Variants in SORCS1 observed in about 807,000 individuals in gnomAD.
The protein encoded by SORCS1 is sortilin related VPS10 domain containing receptor 1, also known as VPS10 domain-containing receptor SorCS1.
SORCS1 carries 60 observed loss-of-function variants against 146.1 expected under a neutral mutation model. The observed-to-expected ratio is 0.41, with a 90% CI of 0.33 to 0.51. The LOEUF is 0.51. SORCS1 is among the 20% of genes least tolerant of loss of function. The pLI, the probability that SORCS1 is intolerant of heterozygous loss-of-function variation, is 0.21. For synonymous variants in SORCS1, 637 were observed against 584.0 expected, an observed-to-expected ratio of 1.09 and a Z score of -1.31; for missense variants, 1,352 against 1,487.6, an observed-to-expected ratio of 0.91 and a Z score of 1.50.
intron 1 of SORCS1, among the ~76,000 whole-genome samples, chr10:107,160,571 T>G (rs558139484): frequency 6.6e-6 from 1 of 152,254 alleles, no homozygotes; most frequent in East Asian, 1.9e-4. Context: ...CAGTCCATCA[T>G]GTGCTATGAG....
intron 24 of SORCS1, among the ~76,000 whole-genome samples, chr10:106,590,346 TGTGA>T (rs1394919644): frequency 2.0e-5 from 3 of 152,152 alleles, no homozygotes; most frequent in Non-Finnish European, 2.9e-5. Context: ...GCCAGCTCAG[TGTGA>T]GTGAGGGCCC....
At chr10:106,951,003 T>C (rs1954648363) in intron 2 of SORCS1, among the ~76,000 whole-genome samples, 1 of 152,156 alleles carries the variant, frequency 6.6e-6, no homozygotes, top group South Asian at 2.1e-4. Flanking sequence ...AATATCCACA[T>C]GAGGAAAGTA....
chr10:106,901,137 A>G (rs564990572), intron 2 of SORCS1, among the ~76,000 whole-genome samples: 1 of 152,170 alleles, frequency 6.6e-6, no homozygotes, highest in Non-Finnish European at 1.5e-5. Context: ...GTGGTAAACT[A>G]AACTTTTCCC....
At position 106,788,772 on chromosome 10, in the gene SORCS1, A is replaced by G. The variant is rs2136488685; in HGVS notation, c.727-12080T>C. On this transcript the variant is annotated intron_variant, in intron 3 of 25. Coordinates refer to ENST00000263054, the MANE Select transcript of SORCS1 (RefSeq NM_052918.5). ...GAGTGTCTGTGGCTTTTCCAGGGGC[A>G]CAGTGCAAGCTATCAGTGGATCTAC... Among the ~76,000 whole-genome samples, 3 of 152,230 alleles carry G rather than the reference A, an allele frequency of 2.0e-5. No individual in the cohort carries two copies. In the South Asian group the frequency reaches 6.2e-4, roughly 32 times the overall value.
intron 2 of SORCS1, among the ~76,000 whole-genome samples, chr10:106,865,848 C>T (rs548834050): frequency 1.1e-4 from 16 of 151,654 alleles, no homozygotes; most frequent in Admixed American, 2.6e-4. Context: ...GCCTGGCCAA[C>T]GTGGTGAAAC....
chr10:106,608,464 T>G (rs955091218), intron 22 of SORCS1, among the ~76,000 whole-genome samples: 6 of 152,180 alleles, frequency 3.9e-5, no homozygotes, highest in Admixed American at 3.9e-4. Context: ...TTTTTTGAAG[T>G]AGCAAGAAAT....
chr10:106,867,651 T>C (rs1589592376), intron 2 of SORCS1, among the ~76,000 whole-genome samples: 2 of 152,290 alleles, frequency 1.3e-5, no homozygotes, highest in South Asian at 2.1e-4. Flanking sequence ...ACTAACTTCC[T>C]AAGTAAAGGA....
At chr10:106,603,149 C>T (rs879259970) in intron 23 of SORCS1, among the ~76,000 whole-genome samples, 12 of 152,158 alleles carry the variant, frequency 7.9e-5, no homozygotes, top group Non-Finnish European at 1.8e-4. Context: ...TAGAGCATGG[C>T]GGTCTTTCCT....
intron 3 of SORCS1, among the ~76,000 whole-genome samples, chr10:106,793,543 A>G (rs1174922512): frequency 6.6e-6 from 1 of 152,192 alleles, no homozygotes; most frequent in Admixed American, 6.6e-5. Flanking sequence ...TGGAGGTAAT[A>G]CAGAGATTGT....
At chr10:106,823,512 A>G (rs1267871414) in intron 3 of SORCS1, among the ~76,000 whole-genome samples, 1 of 152,252 alleles carries the variant, frequency 6.6e-6, no homozygotes, top group Non-Finnish European at 1.5e-5. Context: ...AAAGCGAACC[A>G]AAGTTCAATT....
intron 5 of SORCS1, among the ~76,000 whole-genome samples, chr10:106,732,633 A>G (rs770020371): frequency 2.0e-5 from 3 of 152,268 alleles, no homozygotes; most frequent in Non-Finnish European, 4.4e-5. Flanking sequence ...GGTTAAAACT[A>G]GCATGCAAGC....
At chr10:106,962,653 A>G (rs1263990409) in intron 1 of SORCS1, among the ~76,000 whole-genome samples, 1 of 152,154 alleles carries the variant, frequency 6.6e-6, no homozygotes, top group African/African-American at 2.4e-5. Context: ...TCTATAAAAC[A>G]GCACTATTTC....
chr10:107,004,689 C>A (rs1013084312), intron 1 of SORCS1, among the ~76,000 whole-genome samples: 4 of 152,090 alleles, frequency 2.6e-5, no homozygotes, highest in African/African-American at 9.7e-5. Flanking sequence ...TCGTGATTTA[C>A]CAGAAGTGGC....
intron 1 of SORCS1, among the ~76,000 whole-genome samples, chr10:107,033,258 A>C (rs1027931916): frequency 6.6e-6 from 1 of 152,208 alleles, no homozygotes; most frequent in Non-Finnish European, 1.5e-5. Flanking sequence ...CGAGAACAGC[A>C]AAGGGGAACC....
intron 5 of SORCS1, among the ~76,000 whole-genome samples, chr10:106,738,589 G>A (rs552879260): frequency 2.5e-4 from 38 of 152,304 alleles, no homozygotes; most frequent in Non-Finnish European, 4.0e-4. Context: ...GGCCAGAGGG[G>A]CCACAGTGAC....
intron 1 of SORCS1, among the ~76,000 whole-genome samples, chr10:107,090,103 G>A (rs1183725252): frequency 6.6e-6 from 1 of 152,172 alleles, no homozygotes; most frequent in African/African-American, 2.4e-5. Context: ...TCCACGCAGA[G>A]GGGTTCAGGT....
rs541719286 is a variant in SORCS1 at position 107,127,628 on chromosome 10, C to T, written c.558+36341G>A. 2.6e-5 allele frequency among the ~76,000 whole-genome samples: 4 copies of T among 152,276 alleles called. 1 individual carries two copies. Among genetic ancestry groups the T allele is most frequent in the Middle Eastern group, 3.4e-3 (1 of 294 alleles). On this transcript the variant is annotated intron_variant, in intron 1 of 25. Coordinates refer to ENST00000263054, the MANE Select transcript of SORCS1 (RefSeq NM_052918.5). ...AGTCAAGTCCTCTGTGAACATCTCA[C>T]GCCTTTTCTGATTTTGCATCACCTC...
chr10:106,999,149 A>C (rs924890608), intron 1 of SORCS1, among the ~76,000 whole-genome samples: 2 of 152,182 alleles, frequency 1.3e-5, no homozygotes, highest in Non-Finnish European at 2.9e-5. Context: ...ATGGAAAAAA[A>C]CAGGTAATGC....
Position 106,859,822 on chromosome 10 carries a change from G to T in SORCS1, c.627-30149C>A, listed in dbSNP as rs535412493. On this transcript the variant is annotated intron_variant, in intron 2 of 25. Coordinates refer to ENST00000263054, the MANE Select transcript of SORCS1 (RefSeq NM_052918.5). ...ATGCTGCCATGTATTACATTTACAT[G>T]CGTTTGATCTCGCTTACCAGATGGC... 7.9e-5 allele frequency among the ~76,000 whole-genome samples: 12 copies of T among 152,148 alleles called. 1 individual carries two copies. Among genetic ancestry groups the T allele is most frequent in the African/African-American group, 2.7e-4 (11 of 41,488 alleles).
Sources: gnomAD v4.1 joint callset for allele counts (sites outside exome capture counted in the v4.1 genomes callset) on GRCh38, gnomAD v4.1.1 for gene constraint, MANE v1.5 for transcripts, NCBI Gene and HGNC (gene_info 2026-07-23, HGNC 2026-07-21) for gene names.